Variants in SZT2 observed in about 807,000 individuals in gnomAD.
The protein encoded by SZT2 is SZT2 subunit of KICSTOR complex, also known as KICSTOR complex protein SZT2.
Under a neutral mutation model 404.2 loss-of-function variants are expected in SZT2, and 216 were observed. The ratio of observed to expected loss-of-function variants is 0.53; its 90% CI spans 0.48 to 0.60. The LOEUF (loss-of-function observed/expected upper bound fraction) is 0.60, where lower values mean the gene tolerates loss of function less well. Ranked by LOEUF, SZT2 falls within the 20% of genes least tolerant of loss-of-function variation. The pLI is 0.00. For synonymous variants in SZT2, 1,693 were observed against 1,749.9 expected, an observed-to-expected ratio of 0.97 and a Z score of 0.81; for missense variants, 3,857 against 4,459.2, an observed-to-expected ratio of 0.86 and a Z score of 3.85.
chr1:43,448,711 T>G lies in SZT2; in HGVS notation c.10069T>G (p.Leu3357Val). The change falls in exon 70 of 72, where the codon TTG (leucine) becomes GTG (valine). Residue 3357 changes from leucine (L) to valine (V), a missense_variant. Physicochemically the swap from Leu to Val is conservative, Grantham distance 32. This residue lies in a region of SZT2 where 717 missense variants were observed against 868.2 expected (regional missense o/e 0.83). Transcript: ENST00000634258. This position sits in a 1 kb window ranked among gnomAD's most constrained non-coding sequence, Gnocchi z 4.2. ...CTGTCGCCATTTCCAAAGCCCAGACTTGGGAACTCAGTACCTGGTAAGTCC... is the reference window on the plus strand; with the variant it reads ...CTGTCGCCATTTCCAAAGCCCAGACGTGGGAACTCAGTACCTGGTAAGTCC... The part of the protein sequence containing the change: ...QSCRHFQSPD[L>V]GTQYLVVLNQ... 6.2e-7 allele frequency: 1 copy of G among 1,614,180 alleles called. No individual in the cohort carries two copies.
chr1:43,441,930 C>G lies in SZT2; in HGVS notation c.7743-70C>G. ...AGCTAGGAGAGGTGGAAACAAGGCC[C>G]AGGGAGGTGAAGGCTAGGCCAGGGA... is the stretch of plus-strand genomic sequence containing the variant. On this transcript the variant is annotated intron_variant, in intron 55 of 71. Coordinates refer to ENST00000634258, the MANE Select transcript of SZT2 (RefSeq NM_001365999.1). This position sits in a 1 kb window ranked among gnomAD's most constrained non-coding sequence, Gnocchi z 4.8. 6.3e-7 allele frequency: 1 copy of G among 1,592,264 alleles called. No individual in the cohort carries two copies. Among genetic ancestry groups the G allele is most frequent in the South Asian group, 1.1e-5 (1 of 88,002 alleles).
At position 43,447,182 on chromosome 1, in the gene SZT2, G is replaced by GGCA; in HGVS notation, c.9286+15_9286+17dup. 1 of 1,603,282 alleles carries GGCA rather than the reference G, an allele frequency of 6.2e-7. No individual in the cohort carries two copies. The highest frequency in any genetic ancestry group is 8.5e-7 in the Non-Finnish European group (1 of 1,176,374). Reference sequence around the variant, plus strand: ...ACATTTACCAAGGTCAGTGCCCAAGGGCAAGCCAGTGAACCCAAAAAAGAA... The same window carrying GGCA: ...ACATTTACCAAGGTCAGTGCCCAAGGGCAGCAAGCCAGTGAACCCAAAAAAGAA... On this transcript the variant is annotated intron_variant, in intron 66 of 71. Coordinates refer to ENST00000634258, the MANE Select transcript of SZT2 (RefSeq NM_001365999.1).
At chr1:43,435,360 A>G in intron 42 of SZT2, 31 bp downstream of exon 42, 1 of 1,612,296 alleles carries the variant, frequency 6.2e-7, no homozygotes, top group Non-Finnish European at 8.5e-7. Context: ...CTCCCTCACA[A>G]GGCAGTGCTG....
chr1:43,428,022 C>G lies in SZT2; in HGVS notation c.3823C>G (p.Pro1275Ala), dbSNP rs200612162. The change falls in exon 27 of 72, where the codon CCC (proline) becomes GCC (alanine). Residue 1275 changes from proline (P) to alanine (A), a missense_variant. Around this residue, in one of 7 missense-constraint regions of SZT2, gnomAD observed 1,725 missense variants for 1,881.0 expected, o/e 0.92. Coordinates refer to ENST00000634258, the MANE Select transcript of SZT2 (RefSeq NM_001365999.1). Reference sequence around the variant, plus strand: ...TCCTAGGACTCAGTTCCTCGACCACCCCTCCCCATCCTCAGCCTGGATGGA... The same window carrying G: ...TCCTAGGACTCAGTTCCTCGACCACGCCTCCCCATCCTCAGCCTGGATGGA... ...LIFRTQFLDHPSPSSAWMEPR... is the reference protein window; with the variant it reads ...LIFRTQFLDHASPSSAWMEPR... The G allele has an allele frequency of 1.5e-4, 239 of 1,614,110 alleles. No individual in the cohort carries two copies. In the South Asian group the frequency reaches 1.7e-3, roughly 11 times the overall value.
intron 1 of SZT2, among the ~76,000 whole-genome samples, chr1:43,391,554 A>G (rs1467603661): frequency 6.6e-6 from 1 of 152,254 alleles, no homozygotes; most frequent in African/African-American, 2.4e-5. Flanking sequence ...CAGAGGTGGT[A>G]GAATAGCTCA....
In SZT2 at chr1:43,436,880, G is replaced by T. The variant is rs1570693741; in HGVS notation, c.6035-291G>T. On this transcript the variant is annotated intron_variant, in intron 42 of 71. Transcript: ENST00000634258. ...ATTATGACAGGGTCAGAATCTCTTG[G>T]CATGATCTTGAGGATTTCCTCATGC... 8 of 463,804 alleles carry T rather than the reference G, an allele frequency of 1.7e-5. No individual in the cohort carries two copies. In the East Asian group the frequency reaches 3.0e-4, roughly 17 times the overall value. 28.7% of individuals were successfully genotyped at this position (463,804 alleles called of 1,614,324 possible).
intron 1 of SZT2, among the ~76,000 whole-genome samples, chr1:43,390,395 A>C (rs770243905): frequency 1.3e-5 from 2 of 152,196 alleles, no homozygotes; most frequent in Non-Finnish European, 2.9e-5. Flanking sequence ...GAATTTATTT[A>C]GTTCTAGGGC....
intron 62 of SZT2, among the ~76,000 whole-genome samples, chr1:43,444,955 C>G (rs1226062666): frequency 6.6e-6 from 1 of 152,170 alleles, no homozygotes; most frequent in Non-Finnish European, 1.5e-5. Flanking sequence ...CAGCTCCCCA[C>G]TCCCCAGGTT....
Position 43,426,444 on chromosome 1 carries a change from G to A in SZT2, c.3120G>A (p.Leu1040=), listed in dbSNP as rs1208630773. Residue 1040 remains leucine, a synonymous_variant, in exon 22 of 72, where the codon CTG becomes CTA. Coordinates refer to ENST00000634258, the MANE Select transcript of SZT2 (RefSeq NM_001365999.1). This position sits in a 1 kb window ranked among gnomAD's most constrained non-coding sequence, Gnocchi z 4.9. ...DMVLCLLHSC[L]GQELSDREIP... is the part of the protein sequence containing the mutation. ...TGCTGTGCCTGCTGCACAGCTGCCTGGGGCAGGAGCTGAGTGACCGGGAGA... is the reference window on the plus strand; with the variant it reads ...TGCTGTGCCTGCTGCACAGCTGCCTAGGGCAGGAGCTGAGTGACCGGGAGA... 5.6e-6 allele frequency: 9 copies of A among 1,596,810 alleles called. No homozygotes were observed. The highest frequency in any genetic ancestry group is 7.6e-6 in the Non-Finnish European group (9 of 1,179,200).
chr1:43,424,775 G>A lies in SZT2; in HGVS notation c.2472-9G>A, dbSNP rs763057351. The stretch of plus-strand genomic sequence containing the variant: ...TCCTGGCCTTGCCCCGGCCTTTATG[G>A]GGCTTCAGAGTCCGACTTTCTGAAG... On this transcript the variant is annotated splice_polypyrimidine_tract_variant and intron_variant, in intron 16 of 71. Transcript: ENST00000634258. The surrounding 1 kb of genome is among the most constrained non-coding windows in gnomAD (Gnocchi z 4.1). The A allele has an allele frequency of 6.2e-7, 1 of 1,613,592 alleles. No homozygotes were observed. Among genetic ancestry groups the A allele is most frequent in the Non-Finnish European group, 8.5e-7 (1 of 1,179,594 alleles).
At chr1:43,403,411 G>C in intron 2 of SZT2, 109 bp downstream of exon 2, 2 of 1,484,866 alleles carry the variant, frequency 1.3e-6, no homozygotes, top group Non-Finnish European at 1.8e-6. Context: ...AGTCTGGTTA[G>C]GGCAAGGGAC....
Position 43,453,946 on chromosome 1 carries a change from G to C in SZT2, c.*3466G>C. On this transcript the variant is annotated 3_prime_UTR_variant, in exon 72 of 72. Transcript: ENST00000634258. ...GAAAAGCGAAGTGCTGTAAAAACCC[G>C]GGCCTTCACGAAAAGCGCCTACGGT... The C allele has an allele frequency of 2.5e-6, 3 of 1,200,424 alleles. No individual in the cohort carries two copies. The highest frequency in any genetic ancestry group is 3.1e-6 in the Non-Finnish European group (3 of 967,968). The allele number at this position is 1,200,424 out of a possible 1,614,324, so 74.4% of individuals were successfully genotyped here.
chr1:43,422,258 G>C (rs776084249), intron 12 of SZT2, 33 bp downstream of exon 12: 1 of 1,553,334 alleles, frequency 6.4e-7, no homozygotes, highest in South Asian at 1.2e-5. Flanking sequence ...CATAGTTGGG[G>C]TGGAGTATCG....
At position 43,394,746 on chromosome 1, in the gene SZT2, C is replaced by T. The variant is rs182202108; in HGVS notation, c.27+4751C>T. On this transcript the variant is annotated intron_variant, in intron 1 of 71. Transcript: ENST00000634258. ...ATACAAAATTAGCCGGGCGTGGTGG[C>T]GCATGCCTGTAATCCCAGCTACTCG... 3.6e-3 allele frequency among the ~76,000 whole-genome samples: 548 copies of T among 151,978 alleles called. 4 individuals are homozygous for T. The highest frequency in any genetic ancestry group is 5.3e-3 in the Non-Finnish European group (358 of 67,972).
rs1195361932 is a variant in SZT2 at position 43,448,953 on chromosome 1, G to T, written c.10086+225G>T. On this transcript the variant is annotated intron_variant, in intron 70 of 71. Coordinates refer to ENST00000634258, the MANE Select transcript of SZT2 (RefSeq NM_001365999.1). This position sits in a 1 kb window ranked among gnomAD's most constrained non-coding sequence, Gnocchi z 4.2. ...AAGACTCACCAAGAATACAAGCCTT[G>T]GCTTGAGATCCTGAGGGCCAGGCTC... 3.7e-6 allele frequency: 2 copies of T among 537,272 alleles called. No homozygotes were observed. The highest frequency in any genetic ancestry group is 6.5e-5 in the Admixed American group (2 of 30,644). 33.3% of individuals were successfully genotyped at this position (537,272 alleles called of 1,614,324 possible).
At position 43,451,746 on chromosome 1, in the gene SZT2, C is replaced by A; in HGVS notation, c.*1266C>A. The A allele has an allele frequency of 6.2e-7, 1 of 1,613,634 alleles. No homozygotes were observed. The highest frequency in any genetic ancestry group is 8.5e-7 in the Non-Finnish European group (1 of 1,179,610). On this transcript the variant is annotated 3_prime_UTR_variant, in exon 72 of 72. Coordinates refer to ENST00000634258, the MANE Select transcript of SZT2 (RefSeq NM_001365999.1). ...GGGAAGAGGATACTACATTCCGAGA[C>A]CCCGCAGGCCCCGCCCTCCTTCCGA...
At chr1:43,432,054 C>T (rs1653958611) in intron 36 of SZT2, among the ~76,000 whole-genome samples, 153 bp downstream of exon 36, 1 of 152,226 alleles carries the variant, frequency 6.6e-6, no homozygotes, top group Non-Finnish European at 1.5e-5. Context: ...AACCCCTGTG[C>T]TTGGCAGCCC....
At chr1:43,404,029 G>A (rs115038442) in intron 3 of SZT2, 7,540 of 532,362 alleles carry the variant, frequency 0.014, 78 homozygotes, top group Non-Finnish European at 0.019. Flanking sequence ...GGGCCACATG[G>A]CAAAACTCCC....
Position 43,420,359 on chromosome 1 carries a change from T to C in SZT2, c.1261+36T>C. The C allele has an allele frequency of 1.3e-6, 2 of 1,518,178 alleles. No homozygotes were observed. Among genetic ancestry groups the C allele is most frequent in the Non-Finnish European group, 8.8e-7 (1 of 1,136,828 alleles). The allele number at this position is 1,518,178 out of a possible 1,614,324, so 94.0% of individuals were successfully genotyped here. ...TTAGGCCCTGCTGTAATCCCATAGA[T>C]CTCTCAAGAATTTGTGTGTGGGAAG... On this transcript the variant is annotated intron_variant, in intron 9 of 71. Transcript: ENST00000634258. The surrounding 1 kb of genome is among the most constrained non-coding windows in gnomAD (Gnocchi z 5.1).
Sources: allele counts gnomAD v4.1 joint callset (sites outside exome capture counted in the v4.1 genomes callset), GRCh38; gene constraint gnomAD v4.1.1; regional missense constraint gnomAD v4.1.1; non-coding constraint Gnocchi (gnomAD v3.1); transcripts MANE v1.5; gene names NCBI Gene and HGNC (gene_info 2026-07-23, HGNC 2026-07-21).